ADCY8: variants seen among roughly 807,000 people sequenced by gnomAD.
ADCY8 encodes adenylate cyclase 8.
In ADCY8, 51 loss-of-function variants were observed where a neutral mutation model predicts 119.7. The ratio of observed to expected loss-of-function variants is 0.43; its 90% CI spans 0.34 to 0.54. ADCY8 has a LOEUF of 0.54. ADCY8 is among the 20% of genes least tolerant of loss of function. The probability of loss-of-function intolerance (pLI) is 0.03; values close to 1 mark genes in which losing one functional copy is unlikely to be tolerated. For synonymous variants in ADCY8, 665 were observed against 651.0 expected, an observed-to-expected ratio of 1.02 and a Z score of -0.33; for missense variants, 1,383 against 1,598.8, an observed-to-expected ratio of 0.87 and a Z score of 2.30.
At chr8:130,897,899 A>G (rs1819459268) in intron 7 of ADCY8, among the ~76,000 whole-genome samples, 1 of 151,486 alleles carries the variant, frequency 6.6e-6, no homozygotes, top group South Asian at 2.1e-4. Flanking sequence ...CCGTACACAC[A>G]TATACATGCA....
intron 5 of ADCY8, among the ~76,000 whole-genome samples, chr8:130,926,739 C>T (rs955838496): frequency 9.2e-5 from 14 of 152,132 alleles, no homozygotes; most frequent in African/African-American, 3.4e-4. Context: ...TCTCCTCAAC[C>T]ACACTCCAAC....
intron 4 of ADCY8, among the ~76,000 whole-genome samples, chr8:130,939,152 C>A (rs941629635): frequency 6.6e-6 from 1 of 151,154 alleles, no homozygotes; most frequent in Non-Finnish European, 1.5e-5. Flanking sequence ...AAAACAGCAA[C>A]CCAAATACTA....
At chr8:130,832,712 T>C (rs1816875592) in intron 12 of ADCY8, among the ~76,000 whole-genome samples, 1 of 152,202 alleles carries the variant, frequency 6.6e-6, no homozygotes, top group Non-Finnish European at 1.5e-5. Flanking sequence ...TTTACTTTCA[T>C]GATCTTAGTT....
At chr8:130,940,893 A>G (rs535591584) in intron 4 of ADCY8, among the ~76,000 whole-genome samples, 1 of 152,332 alleles carries the variant, frequency 6.6e-6, no homozygotes, top group South Asian at 2.1e-4. Flanking sequence ...TAGGAGATGA[A>G]TGCACCAAAT....
intron 9 of ADCY8, among the ~76,000 whole-genome samples, chr8:130,852,716 C>T (rs1041435409): frequency 2.6e-5 from 4 of 151,996 alleles, no homozygotes; most frequent in Non-Finnish European, 2.9e-5. Context: ...CTGCTCTTGG[C>T]TCTCTCTCCT....
intron 2 of ADCY8, among the ~76,000 whole-genome samples, chr8:130,969,859 C>G (rs1296451378): frequency 3.3e-5 from 5 of 152,222 alleles, no homozygotes; most frequent in African/African-American, 1.2e-4. Context: ...TGCCTAAGAT[C>G]ACACAACAAG....
intron 1 of ADCY8, among the ~76,000 whole-genome samples, chr8:131,035,348 C>T (rs1024020750): frequency 1.3e-5 from 2 of 152,096 alleles, no homozygotes; most frequent in African/African-American, 4.8e-5. Flanking sequence ...CGATGCCACT[C>T]CAGATGCAGA....
At chr8:130,869,132 C>T (rs971976672) in intron 8 of ADCY8, among the ~76,000 whole-genome samples, 1 of 152,172 alleles carries the variant, frequency 6.6e-6, no homozygotes, top group Non-Finnish European at 1.5e-5. Flanking sequence ...CAATGCTGTT[C>T]AGAGACTGCA....
At chr8:131,031,552 C>T (rs1160218) in intron 1 of ADCY8, among the ~76,000 whole-genome samples, 103,686 of 152,070 alleles carry the variant, frequency 0.68, 36,986 homozygotes, top group African/African-American at 0.9. Flanking sequence ...TAATCCCAAA[C>T]GTTACAGTGG....
chr8:130,885,203 C>G lies in ADCY8; in HGVS notation c.1912-442G>C, dbSNP rs369248058. On this transcript the variant is annotated intron_variant, in intron 7 of 17. Transcript: ENST00000286355. The stretch of plus-strand genomic sequence containing the variant: ...CTTTCATTTAATGGTGGTGGAGAGA[C>G]TTGGGGTCTTATGGCTTGCATTTTT... Among the ~76,000 whole-genome samples, 11 of 145,206 alleles carry G rather than the reference C, an allele frequency of 7.6e-5. No individual in the cohort carries two copies. In the East Asian group the frequency reaches 1.1e-3, roughly 14 times the overall value.
At chr8:130,941,524 T>A (rs1241082519) in intron 4 of ADCY8, among the ~76,000 whole-genome samples, 2 of 152,178 alleles carry the variant, frequency 1.3e-5, no homozygotes, top group Admixed American at 1.3e-4. Flanking sequence ...GGAATAGCTA[T>A]GTGTAACTGA....
chr8:130,784,652 A>C (rs1815195585), intron 16 of ADCY8, among the ~76,000 whole-genome samples: 1 of 152,256 alleles, frequency 6.6e-6, no homozygotes, highest in Admixed American at 6.5e-5. Flanking sequence ...TTTTATTTAT[A>C]AAAACAGATG....
intron 11 of ADCY8, among the ~76,000 whole-genome samples, chr8:130,846,295 G>A (rs1399277698): frequency 6.6e-6 from 1 of 152,032 alleles, no homozygotes; most frequent in Non-Finnish European, 1.5e-5. Context: ...GTAAAGTTCT[G>A]GGTTGTGAAT....
intron 2 of ADCY8, 57 bp downstream of exon 2, chr8:130,990,336 T>C (rs1398181680): frequency 8.8e-6 from 14 of 1,587,254 alleles, no homozygotes; most frequent in South Asian, 1.1e-5. Flanking sequence ...AGTAGCTCCA[T>C]ATAATTTAGA....
chr8:130,788,332 T>C (rs1373180456), intron 15 of ADCY8, among the ~76,000 whole-genome samples: 1 of 152,226 alleles, frequency 6.6e-6, no homozygotes, highest in Non-Finnish European at 1.5e-5. Flanking sequence ...ATCCTGTCAT[T>C]TTAGAAAACA....
intron 9 of ADCY8, 87 bp downstream of exon 9, chr8:130,867,759 T>C (rs1818178827): frequency 3.3e-6 from 3 of 905,452 alleles, no homozygotes; most frequent in Non-Finnish European, 5.1e-6. Context: ...TTTTAAATTC[T>C]GATTCTTTGA....
chr8:130,943,402 C>T lies in ADCY8; in HGVS notation c.1302G>A (p.Glu434=), dbSNP rs769658520. 1 of 1,604,270 alleles carries T rather than the reference C, an allele frequency of 6.2e-7. No homozygotes were observed. Among genetic ancestry groups the T allele is most frequent in the Non-Finnish European group, 8.5e-7 (1 of 1,175,274 alleles). The change falls in exon 4 of 18, where the codon GAG becomes GAA. Residue 434 remains glutamate, a synonymous_variant. Coordinates refer to ENST00000286355, the MANE Select transcript of ADCY8 (RefSeq NM_001115.3). ...TNLSTTLSAQ[E]LVRMLNELFA... ...AGAGCTCGTTGAGCATCCTGACCAGCTCCTGAGCAGACAAGGTCGTGGAGA... is the reference window on the plus strand; with the variant it reads ...AGAGCTCGTTGAGCATCCTGACCAGTTCCTGAGCAGACAAGGTCGTGGAGA...
chr8:131,029,279 A>G (rs1219112815), intron 1 of ADCY8, among the ~76,000 whole-genome samples: 4 of 152,232 alleles, frequency 2.6e-5, no homozygotes, highest in African/African-American at 9.6e-5. Flanking sequence ...TGACTTGTAC[A>G]ATAATTTCAT....
At chr8:130,903,300 G>T (rs1819662655) in intron 7 of ADCY8, among the ~76,000 whole-genome samples, 1 of 151,922 alleles carries the variant, frequency 6.6e-6, no homozygotes, top group Admixed American at 6.6e-5. Context: ...GGCATCACTT[G>T]GTGCTCCTTT....
Sources: gnomAD v4.1 joint callset for allele counts (sites outside exome capture counted in the v4.1 genomes callset) on GRCh38, gnomAD v4.1.1 for gene constraint, MANE v1.5 for transcripts, NCBI Gene and HGNC (gene_info 2026-07-23, HGNC 2026-07-21) for gene names.